Variants in KIF16B observed in about 807,000 individuals in gnomAD.
KIF16B encodes kinesin family member 16B.
KIF16B carries 98 observed loss-of-function variants against 156.3 expected under a neutral mutation model. That is an observed-to-expected ratio of 0.63 (90% CI 0.53 to 0.74). The LOEUF is 0.74. Among genes scored for constraint, KIF16B ranks in the 30% least tolerant of loss-of-function variants. KIF16B has a pLI of 0.00. For missense variants in KIF16B, 1,421 were observed against 1,606.5 expected (o/e 0.88, Z 1.97); for synonymous variants, 564 against 583.7 (o/e 0.97, Z 0.49).
chr20:16,350,730 G>C (rs1179537269), intron 23 of KIF16B, among the ~76,000 whole-genome samples: 1 of 152,144 alleles, frequency 6.6e-6, no homozygotes, highest in East Asian at 1.9e-4. Flanking sequence ...GGAGCTGGGT[G>C]GGGGCGGGGG....
chr20:16,519,671 C>T (rs1364261134), intron 3 of KIF16B, among the ~76,000 whole-genome samples: 1 of 152,228 alleles, frequency 6.6e-6, no homozygotes, highest in Admixed American at 6.5e-5. Context: ...ACTGATGATT[C>T]TGGTGCATGG....
chr20:16,434,302 G>T (rs906818742), intron 12 of KIF16B, among the ~76,000 whole-genome samples: 1 of 152,114 alleles, frequency 6.6e-6, no homozygotes, highest in African/African-American at 2.4e-5. Flanking sequence ...CCCAGATCTC[G>T]TGGGAAGAAG....
chr20:16,338,453 C>T (rs2064081008), intron 23 of KIF16B, among the ~76,000 whole-genome samples: 1 of 152,142 alleles, frequency 6.6e-6, no homozygotes, highest in Non-Finnish European at 1.5e-5. Flanking sequence ...TCTGCTTCAG[C>T]CCTATTGATC....
At chr20:16,333,938 G>A (rs1385842095) in intron 24 of KIF16B, among the ~76,000 whole-genome samples, 1 of 152,170 alleles carries the variant, frequency 6.6e-6, no homozygotes, top group South Asian at 2.1e-4. Context: ...ACTTTAAATG[G>A]TAACTGCAAC....
chr20:16,295,582 TTAA>T lies in KIF16B; in HGVS notation c.3795+16750_3795+16752del, dbSNP rs2063374280. The stretch of plus-strand genomic sequence containing the variant: ...TACTATGTTTTATATTATTTCATAA[TTAA>T]TAATATATCATTATACATCTCTTCT... On this transcript the variant is annotated intron_variant, in intron 25 of 25. Transcript: ENST00000354981. Among the ~76,000 whole-genome samples, 8 of 151,354 alleles carry T rather than the reference TTAA, an allele frequency of 5.3e-5. 1 individual carries two copies. The South Asian group carries it at 1.7e-3, about 31-fold the overall frequency.
chr20:16,323,230 A>C (rs528758306), intron 24 of KIF16B, among the ~76,000 whole-genome samples: 1 of 152,176 alleles, frequency 6.6e-6, no homozygotes, highest in Non-Finnish European at 1.5e-5. Context: ...AGATTAGAAG[A>C]AAAAATACAA....
chr20:16,320,024 T>C (rs1267427749), intron 24 of KIF16B, among the ~76,000 whole-genome samples: 1 of 152,100 alleles, frequency 6.6e-6, no homozygotes, highest in Non-Finnish European at 1.5e-5. Flanking sequence ...ATAGAAGGCT[T>C]CCTCTCACCA....
chr20:16,365,606 G>T (rs922664032), intron 22 of KIF16B, among the ~76,000 whole-genome samples: 1 of 152,172 alleles, frequency 6.6e-6, no homozygotes, highest in Non-Finnish European at 1.5e-5. Flanking sequence ...AGGAAAATAG[G>T]TGGGAATGTA....
intron 25 of KIF16B, among the ~76,000 whole-genome samples, chr20:16,278,077 T>C (rs1262037235): frequency 6.6e-6 from 1 of 151,870 alleles, no homozygotes; most frequent in African/African-American, 2.4e-5. Flanking sequence ...CTTCTTTCAA[T>C]ACGATTGCAA....
chr20:16,369,012 A>C, intron 22 of KIF16B: 1 of 985,860 alleles, frequency 1.0e-6, no homozygotes, highest in Non-Finnish European at 1.2e-6. Flanking sequence ...AATGGCCAGC[A>C]TGCTCAGGAT....
intron 22 of KIF16B, among the ~76,000 whole-genome samples, chr20:16,363,071 G>A (rs962453844): frequency 1.3e-5 from 2 of 152,190 alleles, no homozygotes; most frequent in African/African-American, 2.4e-5. Flanking sequence ...GTGGAGAGAC[G>A]GAAGGGTGTT....
chr20:16,527,037 C>T (rs746533362), intron 2 of KIF16B, among the ~76,000 whole-genome samples: 1 of 152,186 alleles, frequency 6.6e-6, no homozygotes, highest in South Asian at 2.1e-4. Flanking sequence ...AAAGGAGACT[C>T]ATCCAGAGTC....
chr20:16,510,975 G>A (rs1014804028), intron 6 of KIF16B, among the ~76,000 whole-genome samples: 2 of 152,142 alleles, frequency 1.3e-5, no homozygotes, highest in Non-Finnish European at 2.9e-5. Flanking sequence ...GTGCCACAAC[G>A]AGCGTATCAC....
At chr20:16,301,378 T>G (rs753675124) in intron 25 of KIF16B, among the ~76,000 whole-genome samples, 57 of 152,198 alleles carry the variant, frequency 3.7e-4, no homozygotes, top group Admixed American at 2.7e-3. Context: ...ATCATACGGT[T>G]AAGAGTATGT....
chr20:16,296,179 T>TA (rs563693001), intron 25 of KIF16B, among the ~76,000 whole-genome samples: 355 of 152,336 alleles, frequency 2.3e-3, no homozygotes, highest in Non-Finnish European at 4.1e-3. Context: ...AACTGGAAGC[T>TA]AACATCTGTC....
chr20:16,291,759 A>T (rs1361656086), intron 25 of KIF16B, among the ~76,000 whole-genome samples: 1 of 152,246 alleles, frequency 6.6e-6, no homozygotes, highest in Non-Finnish European at 1.5e-5. Flanking sequence ...ATATGCCCAG[A>T]TTCCTCCAAA....
chr20:16,492,767 C>T (rs1188337456), intron 12 of KIF16B, among the ~76,000 whole-genome samples: 1 of 152,020 alleles, frequency 6.6e-6, no homozygotes, highest in Non-Finnish European at 1.5e-5. Context: ...GCCTCCTGTG[C>T]TAATGGGCAC....
chr20:16,334,457 G>T (rs1400541999), intron 24 of KIF16B, among the ~76,000 whole-genome samples: 1 of 152,170 alleles, frequency 6.6e-6, no homozygotes, highest in Non-Finnish European at 1.5e-5. Context: ...GAAGCCTCTT[G>T]GGAACAAATT....
intron 25 of KIF16B, 70 bp downstream of exon 25, chr20:16,312,265 G>C (rs2063630118): frequency 8.7e-7 from 1 of 1,143,056 alleles, no homozygotes; most frequent in South Asian, 1.3e-5. Context: ...GTATTTAACA[G>C]AAACAATTCT....
Sources: allele counts gnomAD v4.1 joint callset (sites outside exome capture counted in the v4.1 genomes callset), GRCh38; gene constraint gnomAD v4.1.1; transcripts MANE v1.5; gene names NCBI Gene and HGNC (gene_info 2026-07-23, HGNC 2026-07-21).